Variants in CHD1L observed in about 807,000 individuals in gnomAD.
The protein encoded by CHD1L is ATP-dependent chromatin remodeler CHD1L.
In CHD1L, 118 loss-of-function variants were observed where a neutral mutation model predicts 115.9. The observed-to-expected ratio is 1.02, with a 90% CI of 0.88 to 1.19. CHD1L has a LOEUF of 1.19. Ranked by LOEUF, CHD1L falls within the 50% of genes most tolerant of loss-of-function variation. CHD1L has a pLI of 0.00. For missense variants in CHD1L, 1,179 were observed against 1,065.3 expected, an observed-to-expected ratio of 1.11 and a Z score of -1.49; for synonymous variants, 411 against 387.1, an observed-to-expected ratio of 1.06 and a Z score of -0.72.
intron 6 of CHD1L, among the ~76,000 whole-genome samples, chr1:147,262,767 T>C (rs1002723184): frequency 3.3e-5 from 5 of 152,048 alleles, no homozygotes; most frequent in African/African-American, 9.7e-5. Context: ...TTTCATTGAT[T>C]GTGTTATTCA....
chr1:147,288,042 TG>T (rs1683951072), intron 19 of CHD1L, among the ~76,000 whole-genome samples: 1 of 152,162 alleles, frequency 6.6e-6, no homozygotes. Context: ...AGTATTGGAA[TG>T]GGCTGGACAC....
At chr1:147,223,104 G>A in the CHD1L span, among the ~76,000 whole-genome samples, 1 of 152,202 alleles carries the variant, frequency 6.6e-6, no homozygotes, top group Non-Finnish European at 1.5e-5. Context: ...CACAGGTACA[G>A]AGAAGCTTAA....
chr1:147,184,308 C>CT, the CHD1L span: 1 of 516,658 alleles, frequency 1.9e-6, no homozygotes, highest in Non-Finnish European at 3.0e-6. The surrounding 1 kb of genome is among the most constrained non-coding windows in gnomAD (Gnocchi z 4.4). Context: ...TCTCATGTAC[C>CT]CCACATCCAA....
the CHD1L span, among the ~76,000 whole-genome samples, chr1:147,195,324 G>T: frequency 2.0e-5 from 3 of 152,022 alleles, no homozygotes; most frequent in Admixed American, 1.3e-4. Flanking sequence ...GTAGAGACGA[G>T]GTTTCACCAT....
chr1:147,243,463 C>G (rs781941131), intron 1 of CHD1L, among the ~76,000 whole-genome samples: 34 of 152,218 alleles, frequency 2.2e-4, no homozygotes, highest in Admixed American at 3.9e-4. Context: ...CACCACCGCA[C>G]GTAACTCGAT....
the CHD1L span, among the ~76,000 whole-genome samples, chr1:147,183,570 T>G: frequency 6.6e-6 from 1 of 152,144 alleles, no homozygotes; most frequent in African/African-American, 2.4e-5. Context: ...TCATAAAATG[T>G]AATTGAGAAG....
intron 12 of CHD1L, among the ~76,000 whole-genome samples, chr1:147,274,308 G>GT (rs1435282283): frequency 2.6e-5 from 4 of 152,166 alleles, no homozygotes; most frequent in Middle Eastern, 3.2e-3. Context: ...TAAGCACAGC[G>GT]TAAGTGTCAT....
At position 147,271,200 on chromosome 1, in the gene CHD1L, G is replaced by A. The variant is rs115723842; in HGVS notation, c.1159+195G>A. On this transcript the variant is annotated intron_variant, in intron 11 of 22. Transcript: ENST00000369258. ...AGGATGGACAGCAGAGAACAGGCACGTGGGCAGAAATAAACACCCACGTTC... is the reference window on the plus strand; with the variant it reads ...AGGATGGACAGCAGAGAACAGGCACATGGGCAGAAATAAACACCCACGTTC... The A allele has an allele frequency of 8.7e-4, 414 of 473,526 alleles. 3 individuals are homozygous for A. The highest frequency in any genetic ancestry group is 7.3e-3 in the African/African-American group (378 of 52,008). 29.3% of individuals were successfully genotyped at this position (473,526 alleles called of 1,614,324 possible). A position where few individuals can be genotyped will look rare whatever the true frequency, so the allele number is the denominator to read the frequency against.
At chr1:147,263,094 T>C (rs1553945395) in intron 6 of CHD1L, among the ~76,000 whole-genome samples, 2 of 152,128 alleles carry the variant, frequency 1.3e-5, no homozygotes, top group African/African-American at 2.4e-5. Flanking sequence ...TACACTTACA[T>C]ACATACATAT....
At chr1:147,180,315 CAG>C in the CHD1L span, among the ~76,000 whole-genome samples, 1 of 151,800 alleles carries the variant, frequency 6.6e-6, no homozygotes, top group Admixed American at 6.6e-5. Flanking sequence ...TTTTTTGAGA[CAG>C]AGTCTTGCTC....
intron 15 of CHD1L, 145 bp from the exon 16 acceptor site, chr1:147,284,206 G>A (rs1559869651): frequency 1.5e-5 from 9 of 583,890 alleles, no homozygotes; most frequent in Non-Finnish European, 2.6e-5. Flanking sequence ...CAGTGGGATG[G>A]GAAATGAAAT....
the CHD1L span, chr1:147,210,789 A>C: frequency 6.6e-6 from 1 of 152,288 alleles, no homozygotes; most frequent in East Asian, 1.9e-4. Context: ...CATATTTCTT[A>C]TTTCAGTTTT....
chr1:147,265,080 C>T (rs1673351687), intron 7 of CHD1L, among the ~76,000 whole-genome samples: 1 of 152,150 alleles, frequency 6.6e-6, no homozygotes, highest in South Asian at 2.1e-4. Flanking sequence ...ACCTTTGCCC[C>T]TCTGTGTTGT....
At chr1:147,264,915 C>T (rs1673294638) in intron 7 of CHD1L, among the ~76,000 whole-genome samples, 1 of 152,132 alleles carries the variant, frequency 6.6e-6, no homozygotes. Flanking sequence ...AAGTCACTTC[C>T]TGAGGGAGAA....
the CHD1L span, among the ~76,000 whole-genome samples, chr1:147,198,796 G>A: frequency 3.4e-5 from 5 of 148,906 alleles, no homozygotes; most frequent in African/African-American, 1.2e-4. Context: ...ACTTGCAGTG[G>A]GCCGAGATAG....
chr1:147,256,254 A>G (rs587704403), intron 4 of CHD1L, among the ~76,000 whole-genome samples: 2 of 152,122 alleles, frequency 1.3e-5, no homozygotes, highest in Non-Finnish European at 2.9e-5. Flanking sequence ...CACGTCTGTT[A>G]CTGGAGGATA....
upstream of CHD1L, among the ~76,000 whole-genome samples, chr1:147,238,114 T>C (rs1340136795): frequency 3.9e-5 from 6 of 152,216 alleles, no homozygotes; most frequent in Non-Finnish European, 7.3e-5. Flanking sequence ...CAAAGAGGTA[T>C]ACTGGCATCA....
intron 6 of CHD1L, among the ~76,000 whole-genome samples, chr1:147,261,876 C>T (rs1672055941): frequency 6.6e-6 from 1 of 152,064 alleles, no homozygotes; most frequent in African/African-American, 2.4e-5. Context: ...TTATTTCCCC[C>T]TAATATTGTT....
the CHD1L span, among the ~76,000 whole-genome samples, chr1:147,188,263 C>T: frequency 6.6e-6 from 1 of 152,114 alleles, no homozygotes; most frequent in South Asian, 2.1e-4. Flanking sequence ...TGTTTCATGC[C>T]TGTAATCCTA....
Sources: allele counts gnomAD v4.1 joint callset (sites outside exome capture counted in the v4.1 genomes callset), GRCh38; gene constraint gnomAD v4.1.1; non-coding constraint Gnocchi (gnomAD v3.1); transcripts MANE v1.5; gene names NCBI Gene and HGNC (gene_info 2026-07-23, HGNC 2026-07-21).